ZNF148: variants seen among roughly 807,000 people sequenced by gnomAD.
ZNF148 encodes zinc finger protein 148.
ZNF148 carries 7 observed loss-of-function variants against 67.7 expected under a neutral mutation model. The ratio of observed to expected loss-of-function variants is 0.10; its 90% CI spans 0.06 to 0.19. The LOEUF (loss-of-function observed/expected upper bound fraction) is 0.19, where lower values mean the gene tolerates loss of function less well. Among genes scored for constraint, ZNF148 ranks in the 10% least tolerant of loss-of-function variants. ZNF148 has a pLI of 1.00. For synonymous variants in ZNF148, 333 were observed against 330.7 expected (o/e 1.01, Z -0.08); for missense variants, 583 against 947.1 (o/e 0.62, Z 5.05).
chr3:125,360,416 A>G (rs143969140), intron 1 of ZNF148, among the ~76,000 whole-genome samples: 1 of 152,060 alleles, frequency 6.6e-6, no homozygotes, highest in East Asian at 1.9e-4. Context: ...CTCCTGAGTA[A>G]CTGGAACTAT....
At chr3:125,248,145 G>A in intron 7 of ZNF148, among the ~76,000 whole-genome samples, 1 of 152,184 alleles carries the variant, frequency 6.6e-6, no homozygotes, top group East Asian at 1.9e-4. Context: ...TATGACGTAT[G>A]TAAAATTAGT....
At chr3:125,262,128 T>C (rs889376759) in intron 7 of ZNF148, among the ~76,000 whole-genome samples, 3 of 152,194 alleles carry the variant, frequency 2.0e-5, no homozygotes, top group African/African-American at 7.2e-5. Context: ...TTTATGCATT[T>C]CATCTTTGAA....
intron 2 of ZNF148, among the ~76,000 whole-genome samples, chr3:125,326,065 C>T (rs1941002881): frequency 6.6e-6 from 1 of 152,044 alleles, no homozygotes. Context: ...AACTATCCTT[C>T]AAAAATGAAA....
Position 125,334,089 on chromosome 3 carries a change from C to G in ZNF148, c.-233-2851G>C, listed in dbSNP as rs1941398026. ...TATTTAAGGAAATTTTCTACTAATA[C>G]CAATTTGAATAATTATGGCACAGAA... On this transcript the variant is annotated intron_variant, in intron 1 of 8. Coordinates refer to ENST00000360647, the MANE Select transcript of ZNF148 (RefSeq NM_021964.3). 2.6e-5 allele frequency among the ~76,000 whole-genome samples: 4 copies of G among 152,152 alleles called. No individual in the cohort carries two copies. In the South Asian group the frequency reaches 8.3e-4, roughly 32 times the overall value.
intron 7 of ZNF148, among the ~76,000 whole-genome samples, chr3:125,250,304 C>T (rs1189067255): frequency 6.6e-6 from 1 of 152,092 alleles, no homozygotes; most frequent in Non-Finnish European, 1.5e-5. Context: ...CTTGATGAGG[C>T]TAGGGAGAGG....
Position 125,232,325 on chromosome 3 carries a change from CA to C in ZNF148, c.*15del, listed in dbSNP as rs1337826362. On this transcript the variant is annotated 3_prime_UTR_variant, in exon 9 of 9. Coordinates refer to ENST00000360647, the MANE Select transcript of ZNF148 (RefSeq NM_021964.3). This position sits in a 1 kb window ranked among gnomAD's most constrained non-coding sequence, Gnocchi z 4.2. ...TGTTCTAAAGTGCCAGTATTATTTA[CA>C]CTTTTTTTTTTTTTTTAGCCAAAAG... 1 of 1,489,258 alleles carries C rather than the reference CA, an allele frequency of 6.7e-7. No homozygotes were observed. Among genetic ancestry groups the C allele is most frequent in the Admixed American group, 2.0e-5 (1 of 50,492 alleles). The allele number at this position is 1,489,258 out of a possible 1,614,324, so 92.3% of individuals were successfully genotyped here.
At chr3:125,234,361 ACAAATATTGTAAAATAAT>A (rs1935985538) in intron 7 of ZNF148, 32 bp from the exon 8 acceptor site, 1 of 1,408,540 alleles carries the variant, frequency 7.1e-7, no homozygotes, top group East Asian at 2.3e-5. Context: ...TTAAAACAAA[ACAAATATTGTAAAATAAT>A]GAATTGCTTT....
At chr3:125,308,432 G>C (rs1379500715) in intron 4 of ZNF148, among the ~76,000 whole-genome samples, 1 of 151,550 alleles carries the variant, frequency 6.6e-6, no homozygotes, top group Non-Finnish European at 1.5e-5. Context: ...CTACATTCAT[G>C]GACTGGGAGC....
intron 7 of ZNF148, among the ~76,000 whole-genome samples, chr3:125,245,147 T>C (rs1051243921): frequency 2.0e-5 from 3 of 152,160 alleles, no homozygotes; most frequent in African/African-American, 7.2e-5. Flanking sequence ...ATACATCATA[T>C]CCCACAATAA....
intron 1 of ZNF148, among the ~76,000 whole-genome samples, chr3:125,342,484 T>C (rs1941770484): frequency 6.6e-6 from 1 of 152,114 alleles, no homozygotes; most frequent in Non-Finnish European, 1.5e-5. Context: ...ACAGTATTTT[T>C]CAAATATTGG....
At chr3:125,367,093 T>C (rs1231821568) in intron 1 of ZNF148, among the ~76,000 whole-genome samples, 1 of 152,228 alleles carries the variant, frequency 6.6e-6, no homozygotes, top group Non-Finnish European at 1.5e-5. Context: ...TATATGCTTT[T>C]GCATATAACA....
At chr3:125,320,078 C>CCAATTTTCTATCTGTTACT (rs1185123064) in intron 3 of ZNF148, among the ~76,000 whole-genome samples, 3 of 152,144 alleles carry the variant, frequency 2.0e-5, no homozygotes, top group East Asian at 3.8e-4. Context: ...TTTCTATTTT[C>CCAATTTTCTATCTGTTACT]CAATTTTCTA....
chr3:125,233,152 A>G lies in ZNF148; in HGVS notation c.1574T>C (p.Val525Ala). Residue 525 changes from valine to alanine, a missense_variant, in exon 9 of 9, where the codon GTG becomes GCG. This residue lies in a region of ZNF148 where 172 missense variants were observed against 307.7 expected (regional missense o/e 0.56). Transcript: ENST00000360647. This position sits in a 1 kb window ranked among gnomAD's most constrained non-coding sequence, Gnocchi z 5.1. ...ASILESQALNVEIKSNHDKNV... is the reference protein window; with the variant it reads ...ASILESQALNAEIKSNHDKNV... ...TTTGTCATGATTACTCTTAATCTCCACATTCAGTGCCTGTGACTCTAATAT... is the reference window on the plus strand; with the variant it reads ...TTTGTCATGATTACTCTTAATCTCCGCATTCAGTGCCTGTGACTCTAATAT... 6.2e-7 allele frequency: 1 copy of G among 1,613,836 alleles called. No individual in the cohort carries two copies. Among genetic ancestry groups the G allele is most frequent in the Non-Finnish European group, 8.5e-7 (1 of 1,179,878 alleles).
At chr3:125,328,467 C>T (rs1421542487) in intron 2 of ZNF148, among the ~76,000 whole-genome samples, 1 of 151,888 alleles carries the variant, frequency 6.6e-6, no homozygotes. Flanking sequence ...GATCATTACA[C>T]AATGTAAGCA....
chr3:125,310,536 G>A (rs867397294), intron 4 of ZNF148, among the ~76,000 whole-genome samples: 1 of 151,906 alleles, frequency 6.6e-6, no homozygotes, highest in South Asian at 2.1e-4. Context: ...AAATGAATAC[G>A]CTTCCACTTT....
chr3:125,250,122 A>G (rs1936775271), intron 7 of ZNF148, among the ~76,000 whole-genome samples: 1 of 152,214 alleles, frequency 6.6e-6, no homozygotes, highest in Admixed American at 6.5e-5. Flanking sequence ...AATAATTTGT[A>G]AACATGGAAT....
intron 7 of ZNF148, among the ~76,000 whole-genome samples, chr3:125,237,235 T>C (rs1298201348): frequency 6.6e-6 from 1 of 151,912 alleles, no homozygotes; most frequent in Non-Finnish European, 1.5e-5. Flanking sequence ...GGGAAGGAGA[T>C]TACAGGCAAT....
intron 4 of ZNF148, among the ~76,000 whole-genome samples, chr3:125,308,949 A>G (rs1579765339): frequency 1.3e-5 from 2 of 152,254 alleles, no homozygotes; most frequent in African/African-American, 4.8e-5. Context: ...ACATTCAACC[A>G]ACATGGATGA....
At chr3:125,338,497 A>G (rs1282955831) in intron 1 of ZNF148, among the ~76,000 whole-genome samples, 1 of 151,914 alleles carries the variant, frequency 6.6e-6, no homozygotes, top group Non-Finnish European at 1.5e-5. Flanking sequence ...ATGTTAAAAT[A>G]CTATTACAAG....
Sources: allele counts gnomAD v4.1 joint callset (sites outside exome capture counted in the v4.1 genomes callset), GRCh38; gene constraint gnomAD v4.1.1; regional missense constraint gnomAD v4.1.1; non-coding constraint Gnocchi (gnomAD v3.1); transcripts MANE v1.5; gene names NCBI Gene and HGNC (gene_info 2026-07-23, HGNC 2026-07-21).